METTL25B: variants seen among roughly 807,000 people sequenced by gnomAD.
METTL25B encodes methyltransferase-like protein 25B.
In METTL25B, 38 loss-of-function variants were observed where a neutral mutation model predicts 48.4. The ratio of observed to expected loss-of-function variants is 0.78; its 90% CI spans 0.61 to 1.03. The LOEUF (loss-of-function observed/expected upper bound fraction) is 1.03. Among genes scored for constraint, METTL25B ranks in the 50% least tolerant of loss-of-function variants. METTL25B has a pLI of 0.00. For missense variants in METTL25B, 537 were observed against 603.7 expected (o/e 0.89, Z 1.16); for synonymous variants, 230 against 254.5 (o/e 0.90, Z 0.92).
In METTL25B at chr1:156,734,184, TCTC is replaced by T. The variant is rs1379348872; in HGVS notation, c.815_817del (p.Ser272del). ...CTGAGTGTTGCCTTGCTGAGACACT[TCTC>T]CTGCTGTCCTGAGGTGGTGGCCCTG... is the stretch of plus-strand genomic sequence containing the variant. On this transcript the variant is annotated inframe_deletion, in exon 6 of 8. Coordinates refer to ENST00000368216, the MANE Select transcript of METTL25B (RefSeq NM_015997.4). 28 of 1,614,078 alleles carry T rather than the reference TCTC, an allele frequency of 1.7e-5. No individual in the cohort carries two copies. The highest frequency in any genetic ancestry group is 1.9e-5 in the Non-Finnish European group (23 of 1,180,028).
chr1:156,733,845 T>TC (rs1649490763), intron 5 of METTL25B, among the ~76,000 whole-genome samples, 164 bp from the exon 6 acceptor site: 1 of 152,186 alleles, frequency 6.6e-6, no homozygotes, highest in South Asian at 2.1e-4. Context: ...CCAGGACTTT[T>TC]CCCCCTCTCC....
At chr1:156,732,254 C>T (rs778331082) in intron 2 of METTL25B, 27 bp from the exon 3 acceptor site, 4 of 1,612,586 alleles carry the variant, frequency 2.5e-6, no homozygotes, top group Non-Finnish European at 3.4e-6. Flanking sequence ...GGACTATTCA[C>T]TGGAGGCCTC....
chr1:156,729,125 A>T lies in METTL25B; in HGVS notation c.21A>T (p.Arg7=). MPGISA[R]GLSHEGRKQL... is the part of the protein sequence containing the mutation. ...CCGGGATGCCGGGCATCTCCGCCCGAGGCCTCTCTCATGAGGGGAGGAAGC... is the reference window on the plus strand; with the variant it reads ...CCGGGATGCCGGGCATCTCCGCCCGTGGCCTCTCTCATGAGGGGAGGAAGC... The change falls in exon 1 of 8, where the codon CGA becomes CGT. Residue 7 remains arginine, a synonymous_variant. Coordinates refer to ENST00000368216, the MANE Select transcript of METTL25B (RefSeq NM_015997.4). The T allele has an allele frequency of 6.2e-7, 1 of 1,607,948 alleles. No individual in the cohort carries two copies. The highest frequency in any genetic ancestry group is 1.7e-5 in the Admixed American group (1 of 59,526).
chr1:156,730,005 T>C (rs1649129433), intron 1 of METTL25B, among the ~76,000 whole-genome samples: 1 of 152,160 alleles, frequency 6.6e-6, no homozygotes, highest in Non-Finnish European at 1.5e-5. Flanking sequence ...AATTCATCCA[T>C]TTGTCCCCAC....
chr1:156,736,506 C>T (rs955553947), intron 7 of METTL25B, 126 bp from the exon 8 acceptor site: 57 of 1,086,754 alleles, frequency 5.2e-5, no homozygotes, highest in Non-Finnish European at 1.6e-5. Flanking sequence ...TTATGGAGAA[C>T]GGGGTCTCCT....
At chr1:156,732,747 G>A (rs567011093) in intron 3 of METTL25B, among the ~76,000 whole-genome samples, 19 of 152,160 alleles carry the variant, frequency 1.2e-4, no homozygotes, top group African/African-American at 4.6e-4. Context: ...TTGTTCTGTG[G>A]GGGAGATTGA....
In METTL25B at chr1:156,734,473, C is replaced by A. The variant is rs780899896; in HGVS notation, c.1101C>A (p.Val367=). The A allele has an allele frequency of 1.9e-6, 3 of 1,594,468 alleles. No homozygotes were observed. In the South Asian group the frequency reaches 3.4e-5, roughly 18 times the overall value. ...RRPGVQGIPR[V]HELKIEEYVQ... ...CAGGCGTGCAGGGTATCCCCAGGGTCCACGAGCTCAAGATTGAAGAGTGAG... is the reference window on the plus strand; with the variant it reads ...CAGGCGTGCAGGGTATCCCCAGGGTACACGAGCTCAAGATTGAAGAGTGAG... The change falls in exon 6 of 8, where the codon GTC becomes GTA. Residue 367 remains valine (V), a synonymous_variant. Transcript: ENST00000368216.
intron 6 of METTL25B, among the ~76,000 whole-genome samples, chr1:156,734,964 G>C (rs1649625519): frequency 6.6e-6 from 1 of 152,042 alleles, no homozygotes; most frequent in Non-Finnish European, 1.5e-5. Context: ...TAAGAGAGTT[G>C]TCCCTCTTTT....
Position 156,729,075 on chromosome 1 carries a change from C to T in METTL25B, c.-30C>T. The T allele has an allele frequency of 7.3e-7, 1 of 1,361,688 alleles. No homozygotes were observed. The highest frequency in any genetic ancestry group is 1.0e-6 in the Non-Finnish European group (1 of 964,900). 84.4% of individuals were successfully genotyped at this position (1,361,688 alleles called of 1,614,324 possible). ...CCTGGATCCCTGTTCACTGCGTTCT[C>T]GCTCCCCGCGCTCCCTGCTGGACCC... On this transcript the variant is annotated 5_prime_UTR_variant, in exon 1 of 8. Coordinates refer to ENST00000368216, the MANE Select transcript of METTL25B (RefSeq NM_015997.4).
In METTL25B at chr1:156,735,763, C is replaced by G. The variant is rs1649729806; in HGVS notation, c.1160C>G (p.Pro387Arg). 1 of 1,611,250 alleles carries G rather than the reference C, an allele frequency of 6.2e-7. No homozygotes were observed. The highest frequency in any genetic ancestry group is 1.7e-5 in the Admixed American group (1 of 59,570). The change falls in exon 7 of 8, where the codon CCC becomes CGC. Residue 387 changes from proline to arginine, a missense_variant. Physicochemically the swap from Pro to Arg is moderately radical, Grantham distance 103. Coordinates refer to ENST00000368216, the MANE Select transcript of METTL25B (RefSeq NM_015997.4). ...QRGLQRVGLD[P>R]QLPLNLAALQ... ...GGGCTACAGCGAGTGGGGCTAGATC[C>G]CCAGCTGCCACTGAATCTGGCTGCC...
In METTL25B at chr1:156,734,162, A is replaced by G. The variant is rs1447188327; in HGVS notation, c.790A>G (p.Ser264Gly). ...LTGLHACGDL[S>G]VALLRHFSCC... The stretch of plus-strand genomic sequence containing the variant: ...AGGCCTCCACGCCTGTGGGGATCTG[A>G]GTGTTGCCTTGCTGAGACACTTCTC... Residue 264 changes from serine to glycine, a missense_variant, in exon 6 of 8, where the codon AGT (serine) becomes GGT (glycine). Transcript: ENST00000368216. 6.2e-7 allele frequency: 1 copy of G among 1,614,078 alleles called. No homozygotes were observed. The highest frequency in any genetic ancestry group is 2.2e-5 in the East Asian group (1 of 44,870).
chr1:156,735,940 A>C, intron 7 of METTL25B, 31 bp downstream of exon 7: 1 of 1,563,398 alleles, frequency 6.4e-7, no homozygotes, highest in Non-Finnish European at 8.7e-7. Context: ...GGACCCAAGG[A>C]CTATAGTGAC....
chr1:156,732,913 C>A, intron 3 of METTL25B, 72 bp from the exon 4 acceptor site: 1 of 1,293,030 alleles, frequency 7.7e-7, no homozygotes, highest in Non-Finnish European at 1.1e-6. Flanking sequence ...GTCTCTTCCA[C>A]TCTCAGTATG....
rs1383665201 is a variant in METTL25B, at chr1:156,733,007, T to A, written c.452T>A (p.Phe151Tyr). The part of the protein sequence containing the change: ...LGELVKKLSD[F>Y]TGCTQVVDVG... ...CAGTTGGTGAAGAAGCTGAGTGATT[T>A]CACAGGCTGCACCCAGGTTGTAGAC... is the stretch of plus-strand genomic sequence containing the variant. Residue 151 changes from phenylalanine to tyrosine, a missense_variant, in exon 4 of 8, where the codon TTC becomes TAC. By Grantham distance (22) the Phe-to-Tyr change is conservative (BLOSUM62 3). Transcript: ENST00000368216. 6.2e-7 allele frequency: 1 copy of A among 1,614,060 alleles called. No homozygotes were observed. The highest frequency in any genetic ancestry group is 2.2e-5 in the East Asian group (1 of 44,890).
intron 4 of METTL25B, 133 bp from the exon 5 acceptor site, chr1:156,733,228 CTTAAGCCACACTGATG>C: frequency 9.5e-7 from 1 of 1,050,774 alleles, no homozygotes. Flanking sequence ...TATATACCAA[CTTAAGCCACACTGATG>C]TTAATAAGTT....
chr1:156,731,681 C>T (rs908518460), intron 1 of METTL25B, among the ~76,000 whole-genome samples: 4 of 152,212 alleles, frequency 2.6e-5, no homozygotes, highest in African/African-American at 9.7e-5. Context: ...CCATCCCATC[C>T]CTCCCCTTAA....
Position 156,729,198 on chromosome 1 carries a change from T to C in METTL25B, c.94T>C (p.Leu32=). 1 of 1,608,434 alleles carries C rather than the reference T, an allele frequency of 6.2e-7. No individual in the cohort carries two copies. Among genetic ancestry groups the C allele is most frequent in the Non-Finnish European group, 8.5e-7 (1 of 1,176,666 alleles). Residue 32 remains leucine (L), a synonymous_variant, in exon 1 of 8, where the codon TTG becomes CTG. Transcript: ENST00000368216. Reference sequence around the variant, plus strand: ...TGTCCTGGCACTCTACCGTTCCATCTTGGATGCCTACATCATCGTGAGGCC... The same window carrying C: ...TGTCCTGGCACTCTACCGTTCCATCCTGGATGCCTACATCATCGTGAGGCC... ...TRVLALYRSI[L]DAYIIEFFTD...
intron 7 of METTL25B, 196 bp from the exon 8 acceptor site, chr1:156,736,436 C>G (rs755767372): frequency 3.5e-6 from 2 of 578,236 alleles, no homozygotes; most frequent in South Asian, 4.8e-5. Flanking sequence ...TCCCAGGCAT[C>G]GAGAACCTAC....
At chr1:156,729,421 C>CTTTTTTTTTCTTTTTT in intron 1 of METTL25B, 1 of 322,582 alleles carries the variant, frequency 3.1e-6, no homozygotes, top group Non-Finnish European at 5.3e-6. Flanking sequence ...TTTTCTTTTT[C>CTTTTTTTTTCTTTTTT]TTTTTTTTTT....
Sources: gnomAD v4.1 joint callset for allele counts (sites outside exome capture counted in the v4.1 genomes callset) on GRCh38, gnomAD v4.1.1 for gene constraint, MANE v1.5 for transcripts, NCBI Gene and HGNC (gene_info 2026-07-23, HGNC 2026-07-21) for gene names.